SCN7A: variants seen among roughly 807,000 people sequenced by gnomAD.
SCN7A encodes the protein sodium voltage-gated channel alpha subunit 7, also known as sodium channel protein type 7 subunit alpha.
Under a neutral mutation model 155.2 loss-of-function variants are expected in SCN7A, and 138 were observed. That is an observed-to-expected ratio of 0.89 (90% CI 0.77 to 1.02). SCN7A has a LOEUF of 1.02. SCN7A is among the 50% of genes least tolerant of loss of function. The probability of loss-of-function intolerance (pLI) is 0.00; values close to 1 mark genes in which losing one functional copy is unlikely to be tolerated. For missense variants in SCN7A, 2,058 were observed against 1,986.6 expected (o/e 1.04, Z -0.68); for synonymous variants, 693 against 649.0 (o/e 1.07, Z -1.03).
chr2:166,454,316 G>A lies in SCN7A; in HGVS notation c.1290+2554C>T, dbSNP rs367677224. ...TTTCTGTGGCTTACTCATATATAAT[G>A]GGAATACTCAATAGGCTTTTTTATA... On this transcript the variant is annotated intron_variant, in intron 11 of 25. Coordinates refer to ENST00000643258, the MANE Select transcript of SCN7A (RefSeq NM_002976.4). 9.9e-5 allele frequency among the ~76,000 whole-genome samples: 15 copies of A among 152,230 alleles called. No homozygotes were observed. The South Asian group carries it at 2.7e-3, about 27-fold the overall frequency.
chr2:166,485,561 G>T (rs1703028443), intron 2 of SCN7A, among the ~76,000 whole-genome samples: 1 of 152,060 alleles, frequency 6.6e-6, no homozygotes, highest in African/African-American at 2.4e-5. Flanking sequence ...TCTTTTTGAG[G>T]GTCTCCTGCC....
intron 11 of SCN7A, among the ~76,000 whole-genome samples, chr2:166,456,618 C>T (rs1009866901): frequency 6.6e-6 from 1 of 151,976 alleles, no homozygotes; most frequent in African/African-American, 2.4e-5. Flanking sequence ...GGCCATGTTA[C>T]TTGCTTTACC....
At chr2:166,482,791 A>G (rs984637469) in intron 2 of SCN7A, among the ~76,000 whole-genome samples, 9 of 151,928 alleles carry the variant, frequency 5.9e-5, no homozygotes, top group African/African-American at 1.4e-4. Flanking sequence ...AGCACTTATC[A>G]AATAGAAGTG....
At chr2:166,414,078 A>AATATATATAATATATTAT (rs1701272927) in intron 21 of SCN7A, among the ~76,000 whole-genome samples, 1 of 39,730 alleles carries the variant, frequency 2.5e-5, no homozygotes, top group Non-Finnish European at 5.9e-5. Context: ...TATATATGTA[A>AATATATATAATATATTAT]ATATATGTAA....
chr2:166,464,259 A>C (rs1342264878), intron 9 of SCN7A, among the ~76,000 whole-genome samples: 5 of 151,808 alleles, frequency 3.3e-5, no homozygotes, highest in Admixed American at 6.6e-5. Flanking sequence ...AAATGTCAAA[A>C]TCCCCTGAAT....
intron 2 of SCN7A, among the ~76,000 whole-genome samples, chr2:166,478,555 A>T (rs561431514): frequency 6.6e-6 from 1 of 152,002 alleles, no homozygotes; most frequent in African/African-American, 2.4e-5. Context: ...AAACAAAATT[A>T]TCTTTCTGCA....
At chr2:166,412,499 C>T (rs1470909992) in intron 23 of SCN7A, 31 bp downstream of exon 23, 5 of 1,380,500 alleles carry the variant, frequency 3.6e-6, no homozygotes, top group Non-Finnish European at 1.9e-6. Context: ...TTTTCTCAGA[C>T]ATTGGATAAA....
chr2:166,455,989 C>A (rs1702265388), intron 11 of SCN7A, among the ~76,000 whole-genome samples: 1 of 152,100 alleles, frequency 6.6e-6, no homozygotes, highest in Non-Finnish European at 1.5e-5. Flanking sequence ...CACATATACA[C>A]CATGAAATAC....
chr2:166,454,345 G>C (rs1702234157), intron 11 of SCN7A, among the ~76,000 whole-genome samples: 1 of 152,092 alleles, frequency 6.6e-6, no homozygotes. Flanking sequence ...TTTTATACAT[G>C]TTTTCTTCAC....
chr2:166,409,466 T>C (rs1701148252), intron 25 of SCN7A, among the ~76,000 whole-genome samples, 199 bp downstream of exon 25: 1 of 151,926 alleles, frequency 6.6e-6, no homozygotes, highest in Non-Finnish European at 1.5e-5. Flanking sequence ...CTTATCTCTA[T>C]TAGGCATGGG....
chr2:166,414,279 T>TATCTATATATGTAAATATAG (rs1559088787), intron 21 of SCN7A, among the ~76,000 whole-genome samples: 2 of 31,460 alleles, frequency 6.4e-5, no homozygotes, highest in African/African-American at 1.4e-4. Flanking sequence ...CACATATATA[T>TATCTATATATGTAAATATAG]ATATATACAC....
At chr2:166,451,484 G>A (rs965228400) in intron 11 of SCN7A, among the ~76,000 whole-genome samples, 3 of 152,162 alleles carry the variant, frequency 2.0e-5, no homozygotes, top group African/African-American at 7.2e-5. Context: ...GGAAAAGGGG[G>A]CTAGGATTCT....
chr2:166,443,484 G>C lies in SCN7A; in HGVS notation c.1800+19C>G. On this transcript the variant is annotated intron_variant, in intron 14 of 25. Coordinates refer to ENST00000643258, the MANE Select transcript of SCN7A (RefSeq NM_002976.4). The stretch of plus-strand genomic sequence containing the variant: ...ATAAACTTTGATCAAATAAAAGTTA[G>C]GTATTGGATTCTACTTACCATCCTG... The C allele has an allele frequency of 6.4e-7, 1 of 1,563,358 alleles. No individual in the cohort carries two copies.
intron 21 of SCN7A, among the ~76,000 whole-genome samples, chr2:166,413,385 A>T (rs1013590602): frequency 6.6e-6 from 1 of 152,106 alleles, no homozygotes; most frequent in Admixed American, 6.6e-5. Context: ...ATAAATGGTA[A>T]ATAATTACAT....
chr2:166,422,097 T>C lies in SCN7A; in HGVS notation c.3028-800A>G, dbSNP rs150645305. On this transcript the variant is annotated intron_variant, in intron 19 of 25. Coordinates refer to ENST00000643258, the MANE Select transcript of SCN7A (RefSeq NM_002976.4). Reference sequence around the variant, plus strand: ...GGCGAGTTGCAGGCATAGTATGATTTGGCTAGAGCTGAAGGCTAATTTGAA... The same window carrying C: ...GGCGAGTTGCAGGCATAGTATGATTCGGCTAGAGCTGAAGGCTAATTTGAA... 6.4e-3 allele frequency among the ~76,000 whole-genome samples: 976 copies of C among 152,226 alleles called. 13 individuals carry two copies. Among genetic ancestry groups the C allele is most frequent in the African/African-American group, 0.022 (929 of 41,564 alleles).
rs142836858 is a variant in SCN7A, at chr2:166,432,458, C to G, written c.2452G>C (p.Ala818Pro). 11 of 1,613,572 alleles carry G rather than the reference C, an allele frequency of 6.8e-6. No homozygotes were observed. Among genetic ancestry groups the G allele is most frequent in the Non-Finnish European group, 9.3e-6 (11 of 1,179,648 alleles). Residue 818 changes from alanine to proline, a missense_variant, in exon 16 of 26, where the codon GCT becomes CCT. Ala to Pro is a conservative substitution (Grantham distance 27). Transcript: ENST00000643258. ...AGTGATTGGCTCTCATTTTCAGTAG[C>G]GTTTTTCTCTGTGCCACTGCTTTTT... ...KEKSSGTEKN[A>P]TENESQSLIP...
intron 14 of SCN7A, among the ~76,000 whole-genome samples, chr2:166,442,667 G>T (rs1357473918): frequency 1.3e-5 from 2 of 152,044 alleles, no homozygotes; most frequent in Non-Finnish European, 2.9e-5. Flanking sequence ...GAACTCAACA[G>T]TGAGATCTTA....
intron 1 of SCN7A, among the ~76,000 whole-genome samples, chr2:166,487,391 G>A (rs1703077156): frequency 6.6e-6 from 1 of 151,980 alleles, no homozygotes; most frequent in South Asian, 2.1e-4. Context: ...CCAGAAGTCA[G>A]TATTTTTCTT....
intron 15 of SCN7A, among the ~76,000 whole-genome samples, chr2:166,439,077 A>ATATG (rs1701902351): frequency 6.8e-6 from 1 of 147,072 alleles, no homozygotes; most frequent in Non-Finnish European, 1.5e-5. Context: ...ATATATATAT[A>ATATG]TAGCCTCAGT....
Sources: allele counts gnomAD v4.1 joint callset (sites outside exome capture counted in the v4.1 genomes callset), GRCh38; gene constraint gnomAD v4.1.1; transcripts MANE v1.5; gene names NCBI Gene and HGNC (gene_info 2026-07-23, HGNC 2026-07-21).